Variants in GEMIN7 observed in about 807,000 individuals in gnomAD.
GEMIN7 encodes the protein gem nuclear organelle associated protein 7.
In GEMIN7, 7 loss-of-function variants were observed where a neutral mutation model predicts 7.8. The ratio of observed to expected loss-of-function variants is 0.90; its 90% CI spans 0.51 to 1.69. The LOEUF is 1.69. Among genes scored for constraint, GEMIN7 ranks in the 40% most tolerant of loss-of-function variants. The pLI is 0.00. For synonymous variants in GEMIN7, 68 were observed against 72.4 expected (o/e 0.94, Z 0.31); for missense variants, 159 against 176.2 (o/e 0.90, Z 0.55).
At chr19:45,080,765 G>GTTTTTTTTT (rs57306662) in intron 2 of GEMIN7, among the ~76,000 whole-genome samples, 1 of 135,650 alleles carries the variant, frequency 7.4e-6, no homozygotes, top group Non-Finnish European at 1.5e-5. Flanking sequence ...CTTGTTTTTT[G>GTTTTTTTTT]TTTTTTTTTT....
At chr19:45,078,097 C>CT (rs57149861), upstream of GEMIN7, among the ~76,000 whole-genome samples, 43,222 of 96,652 alleles carry the variant, frequency 0.45, 10,953 homozygotes, top group Non-Finnish European at 0.48. Flanking sequence ...TTATTTTACT[C>CT]TTTTTTTTTT....
chr19:45,080,761 T>TG (rs1254633511), intron 2 of GEMIN7, among the ~76,000 whole-genome samples: 1 of 145,250 alleles, frequency 6.9e-6, no homozygotes, highest in Non-Finnish European at 1.5e-5. Flanking sequence ...CTCCCTTGTT[T>TG]TTTGTTTTTT....
intron 2 of GEMIN7, 30 bp from the exon 3 acceptor site, chr19:45,090,077 G>T: frequency 1.3e-6 from 2 of 1,579,450 alleles, no homozygotes; most frequent in South Asian, 2.3e-5. Flanking sequence ...ACCATGTAAT[G>T]ACTTCCTGCT....
At chr19:45,075,980 G>C (rs1156814807), upstream of GEMIN7, 8 of 1,575,690 alleles carry the variant, frequency 5.1e-6, no homozygotes, top group Non-Finnish European at 6.9e-6. Context: ...CGGGGCGAAG[G>C]AGATAAGGCA....
At chr19:45,078,097 C>CTT (rs57149861), upstream of GEMIN7, among the ~76,000 whole-genome samples, 12,788 of 96,568 alleles carry the variant, frequency 0.13, 1,653 homozygotes, top group East Asian at 0.56. Flanking sequence ...TTATTTTACT[C>CTT]TTTTTTTTTT....
chr19:45,079,428 G>A (rs374103797), intron 1 of GEMIN7, 51 bp downstream of exon 1: 4 of 152,320 alleles, frequency 2.6e-5, no homozygotes, highest in African/African-American at 9.6e-5. Context: ...GTCCCCAGAC[G>A]CTCCTATCAG....
chr19:45,080,997 G>C (rs1432370638), intron 2 of GEMIN7, among the ~76,000 whole-genome samples: 3 of 151,972 alleles, frequency 2.0e-5, no homozygotes, highest in Non-Finnish European at 4.4e-5. Context: ...GAGTGACAGT[G>C]GTCAGAGAAA....
chr19:45,087,056 A>AT (rs1967717111), intron 2 of GEMIN7, among the ~76,000 whole-genome samples: 1 of 152,024 alleles, frequency 6.6e-6, no homozygotes, highest in African/African-American at 2.4e-5. Flanking sequence ...CATGTTGATC[A>AT]GGCTGGTCTT....
At chr19:45,079,699 G>GT (rs1967434119) in intron 1 of GEMIN7, among the ~76,000 whole-genome samples, 1 of 152,144 alleles carries the variant, frequency 6.6e-6, no homozygotes, top group Admixed American at 6.5e-5. Flanking sequence ...CTTAGTATAA[G>GT]AAAAGGAGAG....
upstream of GEMIN7, chr19:45,075,984 T>C (rs150503754): frequency 0.016 from 25,506 of 1,573,586 alleles, 262 homozygotes; most frequent in Middle Eastern, 0.024. Flanking sequence ...GCGAAGGAGA[T>C]AAGGCAGGGC....
intron 2 of GEMIN7, among the ~76,000 whole-genome samples, chr19:45,087,287 G>A (rs560597149): frequency 6.6e-6 from 1 of 152,230 alleles, no homozygotes; most frequent in Non-Finnish European, 1.5e-5. Context: ...TGGGATTACA[G>A]GCACGCACCA....
upstream of GEMIN7, chr19:45,076,436 C>A: frequency 8.6e-7 from 1 of 1,165,910 alleles, no homozygotes; most frequent in Non-Finnish European, 1.1e-6. This position sits in a 1 kb window ranked among gnomAD's most constrained non-coding sequence, Gnocchi z 4.9. Flanking sequence ...GGAGGACGCA[C>A]GAGCGGAGGA....
chr19:45,085,104 C>T (rs1298389642), intron 2 of GEMIN7, among the ~76,000 whole-genome samples: 1 of 151,738 alleles, frequency 6.6e-6, no homozygotes, highest in Non-Finnish European at 1.5e-5. Context: ...TTTCTTAGTA[C>T]AGACAGGGTT....
chr19:45,079,595 G>A (rs1967429497), intron 1 of GEMIN7, among the ~76,000 whole-genome samples: 1 of 152,246 alleles, frequency 6.6e-6, no homozygotes, highest in South Asian at 2.1e-4. Flanking sequence ...GAGCGGAATC[G>A]CTCGCTCAGT....
At chr19:45,082,678 G>A (rs919513044) in intron 2 of GEMIN7, among the ~76,000 whole-genome samples, 2 of 152,030 alleles carry the variant, frequency 1.3e-5, no homozygotes, top group Non-Finnish European at 2.9e-5. Context: ...GAGTACAGTG[G>A]CACAGTTATG....
chr19:45,079,917 T>C lies in GEMIN7; in HGVS notation c.-121T>C, dbSNP rs1454549415. 1 of 152,270 alleles carries C rather than the reference T, an allele frequency of 6.6e-6. No individual in the cohort carries two copies. The highest frequency in any genetic ancestry group is 1.5e-5 in the Non-Finnish European group (1 of 68,068). The allele number at this position is 152,270 out of a possible 1,614,324, so 9.4% of individuals were successfully genotyped here. ...TGGTTAATTAATTAGGTCTGGCGGCTTCTCTGTTGACAACTCAGCTGGTTC... is the reference window on the plus strand; with the variant it reads ...TGGTTAATTAATTAGGTCTGGCGGCCTCTCTGTTGACAACTCAGCTGGTTC... On this transcript the variant is annotated 5_prime_UTR_variant, in exon 2 of 3. Transcript: ENST00000270257.
chr19:45,078,094 A>G (rs955954202), upstream of GEMIN7, among the ~76,000 whole-genome samples: 1 of 78,886 alleles, frequency 1.3e-5, no homozygotes, highest in Admixed American at 1.4e-4. Context: ...CCCTTATTTT[A>G]CTCTTTTTTT....
chr19:45,078,251 G>A (rs554110133), upstream of GEMIN7, among the ~76,000 whole-genome samples: 20 of 151,866 alleles, frequency 1.3e-4, no homozygotes, highest in South Asian at 2.1e-4. Flanking sequence ...ACAGATGCCC[G>A]GCTAATTTTT....
chr19:45,090,460 G>A lies in GEMIN7; in HGVS notation c.346G>A (p.Glu116Lys). 2.5e-6 allele frequency: 4 copies of A among 1,613,922 alleles called. No homozygotes were observed. Among genetic ancestry groups the A allele is most frequent in the Non-Finnish European group, 3.4e-6 (4 of 1,179,962 alleles). ...QLQTPIGVQAEALLRCSDIIS... is the reference protein window; with the variant it reads ...QLQTPIGVQAKALLRCSDIIS... ...GCAGACTCCCATAGGTGTGCAAGCA[G>A]AGGCGCTGCTCCGATGTAGTGACAT... Residue 116 changes from glutamate to lysine, a missense_variant, in exon 3 of 3, where the codon GAG becomes AAG. Physicochemically the swap from Glu to Lys is moderately conservative, Grantham distance 56 (BLOSUM62 1). Transcript: ENST00000270257.
Sources: allele counts gnomAD v4.1 joint callset (sites outside exome capture counted in the v4.1 genomes callset), GRCh38; gene constraint gnomAD v4.1.1; non-coding constraint Gnocchi (gnomAD v3.1); transcripts MANE v1.5; gene names NCBI Gene and HGNC (gene_info 2026-07-23, HGNC 2026-07-21).